Variants in FIP1L1 observed in about 807,000 individuals in gnomAD.
The protein encoded by FIP1L1 is pre-mRNA 3'-end-processing factor FIP1.
FIP1L1 carries 21 observed loss-of-function variants against 84.6 expected under a neutral mutation model. That is an observed-to-expected ratio of 0.25 (90% CI 0.18 to 0.36). FIP1L1 has a LOEUF of 0.36. FIP1L1 is among the 10% of genes least tolerant of loss of function. FIP1L1 has a pLI of 1.00. For missense variants in FIP1L1, 526 were observed against 751.1 expected (o/e 0.70, Z 3.50); for synonymous variants, 263 against 242.3 (o/e 1.09, Z -0.80).
At chr4:53,428,870 T>C (rs1218775672) in intron 13 of FIP1L1, among the ~76,000 whole-genome samples, 1 of 152,224 alleles carries the variant, frequency 6.6e-6, no homozygotes, top group Non-Finnish European at 1.5e-5. Context: ...GAGATAATAA[T>C]TACTTCTTCC....
In FIP1L1 at chr4:53,389,747, A is replaced by G. The variant is rs149622470; in HGVS notation, c.333-62A>G. On this transcript the variant is annotated intron_variant, in intron 5 of 17. Coordinates refer to ENST00000337488, the MANE Select transcript of FIP1L1 (RefSeq NM_030917.4). Reference sequence around the variant, plus strand: ...TAATTTGTTTGTACAAATGGAATATATTACTGTTTTGTTTAAGCTTTTCAG... The same window carrying G: ...TAATTTGTTTGTACAAATGGAATATGTTACTGTTTTGTTTAAGCTTTTCAG... 56 of 1,247,748 alleles carry G rather than the reference A, an allele frequency of 4.5e-5. No homozygotes were observed. The African/African-American group carries it at 6.3e-4, about 14-fold the overall frequency. The allele number at this position is 1,247,748 out of a possible 1,614,324, so 77.3% of individuals were successfully genotyped here. A position where few individuals can be genotyped will look rare whatever the true frequency, so the allele number is the denominator to read the frequency against.
intron 1 of FIP1L1, 54 bp from the exon 2 acceptor site, chr4:53,379,011 TCCATAAAA>T: frequency 6.6e-7 from 1 of 1,520,468 alleles, no homozygotes; most frequent in Non-Finnish European, 9.0e-7. Flanking sequence ...GATTTTTTTT[TCCATAAAA>T]TAAGTATCTT....
chr4:53,414,596 A>G lies in FIP1L1; in HGVS notation c.816-19A>G. On this transcript the variant is annotated intron_variant, in intron 10 of 17. Transcript: ENST00000337488. ...GACAACAATATGTAAGAAAAAACATAGAAAATTTATCTCACCAGAAACAGC... is the reference window on the plus strand; with the variant it reads ...GACAACAATATGTAAGAAAAAACATGGAAAATTTATCTCACCAGAAACAGC... 1.3e-6 allele frequency: 2 copies of G among 1,574,122 alleles called. No individual in the cohort carries two copies. Among genetic ancestry groups the G allele is most frequent in the Non-Finnish European group, 1.7e-6 (2 of 1,148,070 alleles).
At chr4:53,391,194 T>TC in intron 8 of FIP1L1, 55 bp downstream of exon 8, 1 of 1,537,148 alleles carries the variant, frequency 6.5e-7, no homozygotes, top group South Asian at 1.2e-5. Context: ...CCACTTTTAC[T>TC]CCCCAAATAA....
At position 53,459,494 on chromosome 4, in the gene FIP1L1, C is replaced by T. The variant is rs2150522948; in HGVS notation, c.*45C>T. 6.2e-7 allele frequency: 1 copy of T among 1,609,574 alleles called. No homozygotes were observed. Among genetic ancestry groups the T allele is most frequent in the East Asian group, 2.2e-5 (1 of 44,840 alleles). ...TGTATATTAGTACCAGAAGTAGATA[C>T]TATAAATCTTGTTATTTTTCTGGAT... On this transcript the variant is annotated 3_prime_UTR_variant, in exon 18 of 18. Transcript: ENST00000337488.
chr4:53,381,716 T>C (rs1737974780), intron 3 of FIP1L1, among the ~76,000 whole-genome samples: 2 of 148,632 alleles, frequency 1.3e-5, no homozygotes, highest in Non-Finnish European at 3.0e-5. Flanking sequence ...CACCATCAAA[T>C]TATAAATCAT....
chr4:53,421,831 G>A (rs1432376901), intron 11 of FIP1L1, among the ~76,000 whole-genome samples: 1 of 152,120 alleles, frequency 6.6e-6, no homozygotes, highest in Non-Finnish European at 1.5e-5. Flanking sequence ...CTTTTGCCTG[G>A]AAATTGCATC....
At chr4:53,412,994 T>G (rs566129660) in intron 10 of FIP1L1, among the ~76,000 whole-genome samples, 1 of 152,238 alleles carries the variant, frequency 6.6e-6, no homozygotes. Flanking sequence ...AAATTCTTAT[T>G]TTATGTGTGA....
intron 9 of FIP1L1, among the ~76,000 whole-genome samples, chr4:53,395,170 G>A (rs1746562317): frequency 6.6e-6 from 1 of 152,128 alleles, no homozygotes; most frequent in Non-Finnish European, 1.5e-5. Context: ...AATCTTGAGT[G>A]TAACATCTGA....
chr4:53,439,244 C>T (rs1248039363), intron 13 of FIP1L1, among the ~76,000 whole-genome samples: 1 of 152,040 alleles, frequency 6.6e-6, no homozygotes, highest in African/African-American at 2.4e-5. Flanking sequence ...GGAAGGTAAC[C>T]TCAGGATGGA....
chr4:53,424,819 G>A (rs968751666), intron 11 of FIP1L1, among the ~76,000 whole-genome samples: 1 of 152,080 alleles, frequency 6.6e-6, no homozygotes, highest in African/African-American at 2.4e-5. Context: ...AAAGACTCAG[G>A]TTTGAAAGTT....
chr4:53,435,339 C>T (rs1768645557), intron 13 of FIP1L1, among the ~76,000 whole-genome samples: 1 of 152,152 alleles, frequency 6.6e-6, no homozygotes, highest in African/African-American at 2.4e-5. Context: ...ATTTTGAATA[C>T]ATCATTGACA....
chr4:53,459,506 T>C lies in FIP1L1; in HGVS notation c.*57T>C. ...CCAGAAGTAGATACTATAAATCTTGTTATTTTTCTGGATAATGTTTAAGAA... is the reference window on the plus strand; with the variant it reads ...CCAGAAGTAGATACTATAAATCTTGCTATTTTTCTGGATAATGTTTAAGAA... On this transcript the variant is annotated 3_prime_UTR_variant, in exon 18 of 18. Transcript: ENST00000337488. 1.2e-6 allele frequency: 2 copies of C among 1,606,722 alleles called. No homozygotes were observed. The highest frequency in any genetic ancestry group is 1.7e-6 in the Non-Finnish European group (2 of 1,175,372).
At chr4:53,396,917 A>ATT (rs11388706) in intron 9 of FIP1L1, among the ~76,000 whole-genome samples, 14 of 152,306 alleles carry the variant, frequency 9.2e-5, no homozygotes, top group Non-Finnish European at 1.9e-4. Flanking sequence ...CAGATTGAGC[A>ATT]TTTTTTAACA....
chr4:53,402,410 A>AG (rs1350528570), intron 10 of FIP1L1, among the ~76,000 whole-genome samples: 2 of 152,136 alleles, frequency 1.3e-5, no homozygotes, highest in Non-Finnish European at 2.9e-5. Flanking sequence ...AAAGAAAAAA[A>AG]CAGCATTTTG....
chr4:53,414,702 G>A lies in FIP1L1; in HGVS notation c.903G>A (p.Arg301=). 1 of 1,612,192 alleles carries A rather than the reference G, an allele frequency of 6.2e-7. No homozygotes were observed. The highest frequency in any genetic ancestry group is 1.7e-4 in the Middle Eastern group (1 of 6,060). ...SVGKWQDRYG[R]AESPDLRRLP... ...GGAAGTGGCAGGATCGATATGGGAG[G>A]GCCGAATCACCTGATCTAAGGTAAG... Residue 301 remains arginine, a synonymous_variant, in exon 11 of 18, where the codon AGG becomes AGA. Coordinates refer to ENST00000337488, the MANE Select transcript of FIP1L1 (RefSeq NM_030917.4).
intron 17 of FIP1L1, 105 bp downstream of exon 17, chr4:53,458,895 C>G: frequency 7.7e-7 from 1 of 1,295,304 alleles, no homozygotes; most frequent in East Asian, 2.5e-5. Flanking sequence ...ACCAGTCTTG[C>G]TTGGTTTCAT....
chr4:53,410,970 G>A (rs1295387876), intron 10 of FIP1L1, among the ~76,000 whole-genome samples: 2 of 50,650 alleles, frequency 3.9e-5, no homozygotes, highest in Admixed American at 3.9e-4. Context: ...CAAGAATAAG[G>A]TGGGGGGGGC....
At chr4:53,381,753 C>CTTTTTTTTTTTTTTTTTTTTTTTGTTTT (rs1738097659) in intron 3 of FIP1L1, among the ~76,000 whole-genome samples, 1 of 87,948 alleles carries the variant, frequency 1.1e-5, no homozygotes, top group Non-Finnish European at 2.0e-5. Context: ...CATTTGCATT[C>CTTTTTTTTTTTTTTTTTTTTTTTGTTTT]TTTTTTTTTT....
Sources: allele counts gnomAD v4.1 joint callset (sites outside exome capture counted in the v4.1 genomes callset), GRCh38; gene constraint gnomAD v4.1.1; transcripts MANE v1.5; gene names NCBI Gene and HGNC (gene_info 2026-07-23, HGNC 2026-07-21).